CCDC7: variants seen among roughly 807,000 people sequenced by gnomAD.
The protein encoded by CCDC7 is coiled-coil domain containing 7, also known as coiled-coil domain-containing protein 7.
A neutral mutation model predicts 196.9 loss-of-function variants in CCDC7; 183 were observed. The ratio of observed to expected loss-of-function variants is 0.93; its 90% CI spans 0.82 to 1.05. The LOEUF (loss-of-function observed/expected upper bound fraction) is 1.05. CCDC7 is among the 50% of genes least tolerant of loss of function. CCDC7 has a pLI of 0.00. For missense variants in CCDC7, 1,540 were observed against 1,482.2 expected, an observed-to-expected ratio of 1.04 and a Z score of -0.64; for synonymous variants, 525 against 484.6, an observed-to-expected ratio of 1.08 and a Z score of -1.10.
chr10:32,795,785 AC>A (rs2083457276), intron 29 of CCDC7, among the ~76,000 whole-genome samples: 1 of 152,126 alleles, frequency 6.6e-6, no homozygotes, highest in African/African-American at 2.4e-5. Context: ...GGAGCCTTAA[AC>A]CCAGGTTTCC....
chr10:32,572,105 A>G (rs1362593054), intron 16 of CCDC7, among the ~76,000 whole-genome samples: 1 of 152,164 alleles, frequency 6.6e-6, no homozygotes, highest in African/African-American at 2.4e-5. Context: ...TTAAATTTAA[A>G]TTAAGGACAA....
chr10:32,679,447 T>C (rs888701500), intron 21 of CCDC7, among the ~76,000 whole-genome samples: 3 of 152,090 alleles, frequency 2.0e-5, no homozygotes, highest in African/African-American at 7.2e-5. Context: ...GTGGCACATA[T>C]AAAGGAAACA....
chr10:32,835,103 T>C (rs1307803876), intron 33 of CCDC7, among the ~76,000 whole-genome samples: 6 of 152,134 alleles, frequency 3.9e-5, no homozygotes, highest in Admixed American at 3.9e-4. Context: ...CATTTACTGG[T>C]AAAGTAATCC....
intron 20 of CCDC7, among the ~76,000 whole-genome samples, chr10:32,649,038 C>G (rs2068259243): frequency 6.6e-6 from 1 of 152,132 alleles, no homozygotes; most frequent in South Asian, 2.1e-4. Context: ...AACTATTATC[C>G]TCAGAAAACT....
exon 15 of CCDC7, chr10:32,567,846 T>C: frequency 3.1e-6 from 5 of 1,613,546 alleles, no homozygotes; most frequent in Middle Eastern, 1.7e-4. Context: ...TGGTTTCAGA[T>C]TCAGGTGGAC....
intron 33 of CCDC7, among the ~76,000 whole-genome samples, chr10:32,842,346 T>G (rs968652323): frequency 7.9e-5 from 12 of 151,950 alleles, no homozygotes; most frequent in African/African-American, 2.9e-4. Context: ...GGAAAAATGC[T>G]CAACATCACT....
chr10:32,732,987 A>G (rs1217567446), intron 28 of CCDC7, among the ~76,000 whole-genome samples: 1 of 152,142 alleles, frequency 6.6e-6, no homozygotes, highest in Non-Finnish European at 1.5e-5. Context: ...AAAACATAAC[A>G]TTTAACACAT....
At chr10:32,525,257 AAAG>A (rs1216795969) in intron 11 of CCDC7, among the ~76,000 whole-genome samples, 6 of 152,112 alleles carry the variant, frequency 3.9e-5, no homozygotes, top group African/African-American at 1.4e-4. Flanking sequence ...AAAAAAAAGA[AAAG>A]AAAAAAAAAC....
chr10:32,717,332 A>G (rs1331145969), intron 25 of CCDC7, among the ~76,000 whole-genome samples: 1 of 152,248 alleles, frequency 6.6e-6, no homozygotes, highest in African/African-American at 2.4e-5. Context: ...TTTGAAACCA[A>G]TGAGAACAAA....
At chr10:32,449,609 A>T (rs1230005495), upstream of CCDC7, among the ~76,000 whole-genome samples, 2 of 152,148 alleles carry the variant, frequency 1.3e-5, no homozygotes, top group African/African-American at 2.4e-5. Context: ...ATCAAAAGCC[A>T]GTTCTCAGCC....
intron 39 of CCDC7, among the ~76,000 whole-genome samples, chr10:32,848,929 C>G (rs1369974953): frequency 1.3e-5 from 2 of 151,946 alleles, no homozygotes; most frequent in African/African-American, 4.8e-5. Context: ...TTCAATCATT[C>G]TACTAAAGAG....
intron 29 of CCDC7, among the ~76,000 whole-genome samples, chr10:32,793,344 G>C (rs1437268958): frequency 6.6e-6 from 1 of 152,178 alleles, no homozygotes; most frequent in Admixed American, 6.5e-5. Context: ...GTGGGAAAGG[G>C]AGGACATGGA....
intron 18 of CCDC7, among the ~76,000 whole-genome samples, chr10:32,621,081 G>A (rs1450392136): frequency 2.0e-5 from 3 of 152,092 alleles, no homozygotes; most frequent in African/African-American, 7.2e-5. Context: ...TAGTCTGATT[G>A]TTTCAGTGTA....
intron 13 of CCDC7, among the ~76,000 whole-genome samples, chr10:32,546,544 A>G (rs1173957728): frequency 1.3e-5 from 2 of 152,222 alleles, no homozygotes; most frequent in Non-Finnish European, 2.9e-5. Context: ...AGTATGTGCA[A>G]GCGTACAAGT....
intron 18 of CCDC7, among the ~76,000 whole-genome samples, chr10:32,587,094 T>C (rs924825845): frequency 7.2e-5 from 11 of 152,222 alleles, no homozygotes; most frequent in African/African-American, 2.7e-4. Context: ...TTTAACCATC[T>C]TTAAGTATAC....
At chr10:32,809,043 C>A (rs1019171218) in intron 30 of CCDC7, among the ~76,000 whole-genome samples, 16 of 152,090 alleles carry the variant, frequency 1.1e-4, no homozygotes, top group African/African-American at 3.9e-4. Context: ...TTGAAAAGTG[C>A]CCTATCCAAC....
At chr10:32,780,271 T>C (rs1184368958) in intron 29 of CCDC7, among the ~76,000 whole-genome samples, 1 of 151,996 alleles carries the variant, frequency 6.6e-6, no homozygotes, top group African/African-American at 2.4e-5. Flanking sequence ...CAGGTTAAAA[T>C]GAAGGAATGC....
intron 28 of CCDC7, among the ~76,000 whole-genome samples, chr10:32,755,833 C>T (rs1210176974): frequency 6.6e-6 from 1 of 152,054 alleles, no homozygotes; most frequent in Non-Finnish European, 1.5e-5. Flanking sequence ...ATATTCAAAC[C>T]CATCACAAGA....
chr10:32,811,717 T>C (rs1340587077), intron 30 of CCDC7, among the ~76,000 whole-genome samples: 4 of 152,044 alleles, frequency 2.6e-5, no homozygotes, highest in Non-Finnish European at 5.9e-5. Context: ...TGTAACTCAG[T>C]CTACAAGGCC....
Sources: allele counts gnomAD v4.1 joint callset (sites outside exome capture counted in the v4.1 genomes callset), GRCh38; gene constraint gnomAD v4.1.1; transcripts MANE v1.5; gene names NCBI Gene and HGNC (gene_info 2026-07-23, HGNC 2026-07-21).